The following PTPRK variants were observed in gnomAD, a reference collection of about 807,000 sequenced individuals.
PTPRK encodes receptor-type tyrosine-protein phosphatase kappa.
PTPRK carries 75 observed loss-of-function variants against 178.0 expected under a neutral mutation model. The observed-to-expected ratio is 0.42, with a 90% CI of 0.35 to 0.51. The LOEUF (loss-of-function observed/expected upper bound fraction) is 0.51. Among genes scored for constraint, PTPRK ranks in the 20% least tolerant of loss-of-function variants. PTPRK has a pLI of 0.02. For synonymous variants in PTPRK, 637 were observed against 620.6 expected (o/e 1.03, Z -0.39); for missense variants, 1,441 against 1,797.8 (o/e 0.80, Z 3.59).
chr6:128,477,786 T>C (rs1851554975), intron 1 of PTPRK, among the ~76,000 whole-genome samples: 1 of 152,144 alleles, frequency 6.6e-6, no homozygotes, highest in Non-Finnish European at 1.5e-5. Context: ...ACTGACTTTT[T>C]TTATTAGTAA....
chr6:128,252,261 T>C (rs563733937), intron 3 of PTPRK, among the ~76,000 whole-genome samples: 39 of 152,324 alleles, frequency 2.6e-4, no homozygotes, highest in African/African-American at 9.4e-4. Flanking sequence ...TAAAAGTATC[T>C]AGAAAATCTA....
At chr6:128,260,598 G>A (rs1479143478) in intron 3 of PTPRK, among the ~76,000 whole-genome samples, 1 of 152,128 alleles carries the variant, frequency 6.6e-6, no homozygotes, top group Non-Finnish European at 1.5e-5. Flanking sequence ...CATGTTTCTT[G>A]AAGATGCTTG....
chr6:128,135,339 CCAAGAGCAGTGGTGCT>C lies in PTPRK; in HGVS notation c.1163-45363_1163-45348del, dbSNP rs566694762. Among the ~76,000 whole-genome samples, 589 of 152,226 alleles carry C rather than the reference CCAAGAGCAGTGGTGCT, an allele frequency of 3.9e-3. 3 individuals are homozygous for C. The highest frequency in any genetic ancestry group is 0.013 in the African/African-American group (544 of 41,522). ...GACTGGTTGAAGGAGAGGGCTGGACCCAAGAGCAGTGGTGCTCTTCCCTGGTGGTTTGGTAAAGCCA... is the reference window on the plus strand; with the variant it reads ...GACTGGTTGAAGGAGAGGGCTGGACCCTTCCCTGGTGGTTTGGTAAAGCCA... On this transcript the variant is annotated intron_variant, in intron 7 of 29. Transcript: ENST00000368226.
At chr6:128,243,486 G>C (rs1465481885) in intron 3 of PTPRK, among the ~76,000 whole-genome samples, 2 of 86,220 alleles carry the variant, frequency 2.3e-5, no homozygotes, top group East Asian at 6.1e-4. Flanking sequence ...AGAGCCTGTC[G>C]CTAAAAAAAA....
chr6:128,305,778 G>A (rs1473649078), intron 3 of PTPRK, among the ~76,000 whole-genome samples: 1 of 152,120 alleles, frequency 6.6e-6, no homozygotes, highest in Non-Finnish European at 1.5e-5. Flanking sequence ...TCACCCAGAA[G>A]AACCCAAATA....
intron 1 of PTPRK, among the ~76,000 whole-genome samples, chr6:128,513,085 AT>A (rs1021582584): frequency 5.9e-5 from 9 of 152,120 alleles, no homozygotes; most frequent in African/African-American, 9.6e-5. Flanking sequence ...TTATGAAAAT[AT>A]TTTTTTTCAA....
chr6:128,301,579 T>G (rs1048092861), intron 3 of PTPRK, among the ~76,000 whole-genome samples: 4 of 152,146 alleles, frequency 2.6e-5, no homozygotes, highest in Non-Finnish European at 4.4e-5. Context: ...AAAAGTACAT[T>G]AAAACTTCAG....
intron 7 of PTPRK, among the ~76,000 whole-genome samples, chr6:128,157,894 C>G (rs1583264273): frequency 1.3e-5 from 2 of 152,150 alleles, no homozygotes; most frequent in South Asian, 2.1e-4. Context: ...GTTGCCTGTT[C>G]ACTTTGATGG....
intron 2 of PTPRK, among the ~76,000 whole-genome samples, chr6:128,350,128 A>G (rs1431189624): frequency 6.6e-6 from 1 of 152,128 alleles, no homozygotes; most frequent in African/African-American, 2.4e-5. Context: ...GCAGAAGGGG[A>G]GAAATAAAAA....
intron 2 of PTPRK, among the ~76,000 whole-genome samples, chr6:128,388,717 C>T (rs1839124996): frequency 6.6e-6 from 1 of 152,164 alleles, no homozygotes; most frequent in African/African-American, 2.4e-5. Context: ...ACTTCAGTTC[C>T]TTCACCTACA....
chr6:128,042,687 A>C (rs1047894277), intron 13 of PTPRK, among the ~76,000 whole-genome samples: 2 of 152,098 alleles, frequency 1.3e-5, no homozygotes, highest in Non-Finnish European at 2.9e-5. Context: ...TTTCCAAGGA[A>C]ATTAACATCT....
At chr6:128,318,827 A>G (rs6420738) in intron 3 of PTPRK, among the ~76,000 whole-genome samples, 133,843 of 152,154 alleles carry the variant, frequency 0.88, 59,423 homozygotes, top group East Asian at 0.99. Context: ...TGGAGATGAC[A>G]CCTAAGGATT....
intron 1 of PTPRK, among the ~76,000 whole-genome samples, chr6:128,440,292 C>G (rs1202556358): frequency 6.6e-6 from 1 of 152,140 alleles, no homozygotes; most frequent in Non-Finnish European, 1.5e-5. Flanking sequence ...GGGTTCCAAA[C>G]TGTCTTCATG....
intron 28 of PTPRK, 27 bp downstream of exon 28, chr6:127,973,637 A>T: frequency 6.2e-7 from 1 of 1,609,368 alleles, no homozygotes; most frequent in Non-Finnish European, 8.5e-7. Context: ...AGGCCCCATG[A>T]ATGACAGGCT....
At chr6:128,220,802 G>A (rs1810265128) in intron 5 of PTPRK, among the ~76,000 whole-genome samples, 3 of 152,128 alleles carry the variant, frequency 2.0e-5, no homozygotes, top group African/African-American at 7.2e-5. Flanking sequence ...AGTAAGATAC[G>A]ATGGGACAGT....
At chr6:128,515,263 T>C (rs1857800846) in intron 1 of PTPRK, among the ~76,000 whole-genome samples, 2 of 152,240 alleles carry the variant, frequency 1.3e-5, no homozygotes, top group South Asian at 2.1e-4. Flanking sequence ...AGTTCATGGA[T>C]ATGCAAGTTT....
chr6:128,035,360 C>T (rs1001127105), intron 13 of PTPRK, among the ~76,000 whole-genome samples: 17 of 141,344 alleles, frequency 1.2e-4, no homozygotes, highest in African/African-American at 5.0e-4. Context: ...GAGTGAAACT[C>T]TGTCTCAAAA....
At chr6:128,111,487 C>T (rs1382605410) in intron 7 of PTPRK, among the ~76,000 whole-genome samples, 1 of 152,132 alleles carries the variant, frequency 6.6e-6, no homozygotes, top group African/African-American at 2.4e-5. Context: ...CAGAATATTC[C>T]TCTTAAATCT....
intron 2 of PTPRK, among the ~76,000 whole-genome samples, chr6:128,322,667 A>AATATATATATATATATATATAT (rs10651820): frequency 2.8e-4 from 40 of 143,786 alleles, no homozygotes; most frequent in South Asian, 4.3e-4. Flanking sequence ...CTTTTAATAT[A>AATATATATATATATATATATAT]ATATATATAT....
Sources: allele counts gnomAD v4.1 joint callset (sites outside exome capture counted in the v4.1 genomes callset), GRCh38; gene constraint gnomAD v4.1.1; transcripts MANE v1.5; gene names NCBI Gene and HGNC (gene_info 2026-07-23, HGNC 2026-07-21).